Variants in PTPRD observed in about 807,000 individuals in gnomAD.
The protein encoded by PTPRD is protein tyrosine phosphatase receptor type D.
In PTPRD, 34 loss-of-function variants were observed where a neutral mutation model predicts 214.5. The ratio of observed to expected loss-of-function variants is 0.16; its 90% CI spans 0.12 to 0.21. The LOEUF (loss-of-function observed/expected upper bound fraction) is 0.21. Ranked by LOEUF, PTPRD falls within the 10% of genes least tolerant of loss-of-function variation. The probability of loss-of-function intolerance (pLI) is 1.00; values close to 1 mark genes in which losing one functional copy is unlikely to be tolerated. For missense variants in PTPRD, 2,545 were observed against 2,398.7 expected (o/e 1.06, Z -1.27); for synonymous variants, 1,128 against 845.7 (o/e 1.33, Z -5.79).
At chr9:9,939,047 G>C (rs542371549) in intron 4 of PTPRD, among the ~76,000 whole-genome samples, 2 of 151,114 alleles carry the variant, frequency 1.3e-5, no homozygotes, top group African/African-American at 4.9e-5. Flanking sequence ...AGGAATCTCA[G>C]TAGGAAACAG....
At chr9:10,055,389 T>C (rs145583369) in intron 3 of PTPRD, among the ~76,000 whole-genome samples, 2 of 152,256 alleles carry the variant, frequency 1.3e-5, no homozygotes, top group African/African-American at 4.8e-5. Context: ...ATTTTCCATA[T>C]ACTCTTTCAC....
At chr9:10,596,649 T>C (rs1313736325) in intron 2 of PTPRD, among the ~76,000 whole-genome samples, 1 of 151,516 alleles carries the variant, frequency 6.6e-6, no homozygotes, top group East Asian at 1.9e-4. Flanking sequence ...CCACATTGAG[T>C]GTAATGATAA....
At chr9:9,510,307 A>G (rs1286642536) in intron 8 of PTPRD, among the ~76,000 whole-genome samples, 3 of 151,580 alleles carry the variant, frequency 2.0e-5, no homozygotes, top group African/African-American at 7.3e-5. Flanking sequence ...TGCATTCTGT[A>G]AGACACACTA....
At chr9:8,650,064 C>T (rs1048279705) in intron 12 of PTPRD, among the ~76,000 whole-genome samples, 6 of 151,994 alleles carry the variant, frequency 3.9e-5, no homozygotes, top group Admixed American at 2.6e-4. Flanking sequence ...ACTATGGGCA[C>T]ATGCCACAAC....
chr9:8,732,661 A>G (rs1009333140), intron 12 of PTPRD, among the ~76,000 whole-genome samples: 4 of 152,200 alleles, frequency 2.6e-5, no homozygotes, highest in African/African-American at 9.6e-5. Flanking sequence ...TTGTGCTTAA[A>G]ACATGCATAT....
At chr9:10,127,378 A>G (rs1420136691) in intron 3 of PTPRD, among the ~76,000 whole-genome samples, 1 of 152,208 alleles carries the variant, frequency 6.6e-6, no homozygotes, top group Non-Finnish European at 1.5e-5. Flanking sequence ...AAAGCACTTC[A>G]TAATTCTACA....
chr9:10,164,011 C>G (rs1489545172), intron 3 of PTPRD, among the ~76,000 whole-genome samples: 3 of 151,348 alleles, frequency 2.0e-5, no homozygotes, highest in Non-Finnish European at 4.4e-5. Context: ...CACCTAGACC[C>G]AGAATTCAAA....
rs866890915 is a variant in PTPRD at position 8,400,842 on chromosome 9, G to A, written c.4210+3695C>T. On this transcript the variant is annotated intron_variant, in intron 36 of 45. Coordinates refer to ENST00000381196, the MANE Select transcript of PTPRD (RefSeq NM_002839.4). ...CACTGCCGCTTCACTAGACTGTTGT[G>A]TACAGCCAATAAAACAACGGATAAG... is the stretch of plus-strand genomic sequence containing the variant. Among the ~76,000 whole-genome samples, 11 of 152,248 alleles carry A rather than the reference G, an allele frequency of 7.2e-5. No individual in the cohort carries two copies. The South Asian group carries it at 1.5e-3, about 20-fold the overall frequency.
intron 10 of PTPRD, among the ~76,000 whole-genome samples, chr9:9,171,018 T>A (rs1051270896): frequency 2.6e-5 from 4 of 152,166 alleles, no homozygotes; most frequent in African/African-American, 9.6e-5. Context: ...CCAGGAAAGC[T>A]TAAGAAACAC....
intron 14 of PTPRD, among the ~76,000 whole-genome samples, chr9:8,632,143 GTGTGTC>G (rs374400299): frequency 0.033 from 4,872 of 147,416 alleles, 269 homozygotes; most frequent in African/African-American, 0.12. Context: ...GTGTGTGTGT[GTGTGTC>G]TGTGTGTGTG....
At chr9:10,491,142 A>G (rs980574421) in intron 2 of PTPRD, among the ~76,000 whole-genome samples, 4 of 152,210 alleles carry the variant, frequency 2.6e-5, no homozygotes, top group Non-Finnish European at 5.9e-5. Flanking sequence ...CCTGTGTTCA[A>G]TAAATAATTG....
chr9:9,700,303 T>C (rs921206544), intron 7 of PTPRD, among the ~76,000 whole-genome samples: 4 of 152,122 alleles, frequency 2.6e-5, no homozygotes, highest in Non-Finnish European at 4.4e-5. Flanking sequence ...TTTATTTTCT[T>C]AGACATTCTG....
At chr9:9,135,691 G>C (rs577474896) in intron 10 of PTPRD, among the ~76,000 whole-genome samples, 71 of 151,776 alleles carry the variant, frequency 4.7e-4, no homozygotes, top group African/African-American at 1.7e-3. Context: ...GGATTATTTG[G>C]GTCAAAATAT....
intron 2 of PTPRD, among the ~76,000 whole-genome samples, chr9:10,494,362 T>C (rs989735167): frequency 6.6e-6 from 1 of 151,812 alleles, no homozygotes. Flanking sequence ...TATAAGATCA[T>C]TTACTCTAAT....
chr9:9,947,421 TATATTA>T (rs1274245213), intron 4 of PTPRD, among the ~76,000 whole-genome samples: 88 of 34,228 alleles, frequency 2.6e-3, no homozygotes, highest in African/African-American at 0.02. Flanking sequence ...ATTTTATATA[TATATTA>T]TATATATATT....
chr9:9,809,698 G>C (rs944836763), intron 5 of PTPRD, among the ~76,000 whole-genome samples: 9 of 152,260 alleles, frequency 5.9e-5, no homozygotes, highest in African/African-American at 2.2e-4. Context: ...CAAATAATTG[G>C]CTAAACACTA....
At chr9:10,365,827 C>T (rs2097504748) in intron 2 of PTPRD, among the ~76,000 whole-genome samples, 1 of 152,074 alleles carries the variant, frequency 6.6e-6, no homozygotes, top group South Asian at 2.1e-4. Flanking sequence ...TCCCACATTG[C>T]TATGTCAATA....
chr9:8,810,689 G>T (rs1031362022), intron 11 of PTPRD, among the ~76,000 whole-genome samples: 3 of 152,120 alleles, frequency 2.0e-5, no homozygotes, highest in Non-Finnish European at 4.4e-5. Context: ...TTAAATATTG[G>T]CAACTATTTG....
chr9:10,071,416 G>T (rs1431705113), intron 3 of PTPRD, among the ~76,000 whole-genome samples: 1 of 151,986 alleles, frequency 6.6e-6, no homozygotes, highest in African/African-American at 2.4e-5. Flanking sequence ...GATATTGGTG[G>T]AAGAATACAT....
Sources: allele counts gnomAD v4.1 joint callset (sites outside exome capture counted in the v4.1 genomes callset), GRCh38; gene constraint gnomAD v4.1.1; transcripts MANE v1.5; gene names NCBI Gene and HGNC (gene_info 2026-07-23, HGNC 2026-07-21).